Variants in TNRC6A observed in about 807,000 individuals in gnomAD.
TNRC6A encodes trinucleotide repeat-containing gene 6A protein.
Under a neutral mutation model 221.2 loss-of-function variants are expected in TNRC6A, and 44 were observed. The ratio of observed to expected loss-of-function variants is 0.20; its 90% CI spans 0.16 to 0.26. The LOEUF is 0.26. Ranked by LOEUF, TNRC6A falls within the 10% of genes least tolerant of loss-of-function variation. The probability of loss-of-function intolerance (pLI) is 1.00; values close to 1 mark genes in which losing one functional copy is unlikely to be tolerated. For missense variants in TNRC6A, 2,199 were observed against 2,404.4 expected (o/e 0.91, Z 1.79); for synonymous variants, 847 against 838.5 (o/e 1.01, Z -0.18).
At chr16:24,755,814 A>G (rs1211655720) in intron 3 of TNRC6A, among the ~76,000 whole-genome samples, 2 of 152,198 alleles carry the variant, frequency 1.3e-5, no homozygotes, top group African/African-American at 4.8e-5. Flanking sequence ...TTTTTAAAGA[A>G]TAATGTATTA....
chr16:24,667,633 A>G (rs1204239740), intron 2 of TNRC6A, among the ~76,000 whole-genome samples: 1 of 152,230 alleles, frequency 6.6e-6, no homozygotes, highest in Non-Finnish European at 1.5e-5. Context: ...CATCTGTAGA[A>G]TAGAAATAGT....
At chr16:24,800,727 C>T (rs1034159864) in intron 11 of TNRC6A, among the ~76,000 whole-genome samples, 5 of 152,146 alleles carry the variant, frequency 3.3e-5, no homozygotes, top group South Asian at 2.1e-4. Context: ...GGTATCTCAC[C>T]GGAGACACTG....
chr16:24,669,941 CTTTTTT>C lies in TNRC6A; in HGVS notation n.402+28954_402+28959del, dbSNP rs535737725. On this transcript the variant is annotated intron_variant and non_coding_transcript_variant, in intron 2 of 2. Coordinates refer to the TNRC6A transcript ENST00000566108. Reference sequence around the variant, plus strand: ...TCGTTATGACCCTATGAGGCAGCTACTTTTTTTTTTTTTTTTTTTTTTTTTTTAGAC... The same window carrying C: ...TCGTTATGACCCTATGAGGCAGCTACTTTTTTTTTTTTTTTTTTTTTAGAC... 6.3e-3 allele frequency among the ~76,000 whole-genome samples: 172 copies of C among 27,190 alleles called. 3 individuals are homozygous for C. The highest frequency in any genetic ancestry group is 0.018 in the African/African-American group (137 of 7,412). 17.8% of individuals were successfully genotyped at this position (27,190 alleles called of 152,430 possible).
chr16:24,717,798 G>A (rs1054035189), intron 2 of TNRC6A, among the ~76,000 whole-genome samples: 1 of 122,522 alleles, frequency 8.2e-6, no homozygotes, highest in Non-Finnish European at 1.6e-5. Flanking sequence ...TTGAGAAGGA[G>A]TTTTGTTCTG....
At chr16:24,671,540 C>T (rs746212521) in intron 2 of TNRC6A, among the ~76,000 whole-genome samples, 22 of 152,322 alleles carry the variant, frequency 1.4e-4, no homozygotes, top group Admixed American at 3.3e-4. Context: ...GGCACTATGC[C>T]CTGCAGTTCT....
At chr16:24,795,870 G>A (rs2058208825) in intron 8 of TNRC6A, 37 bp from the exon 9 acceptor site, 2 of 1,564,578 alleles carry the variant, frequency 1.3e-6, no homozygotes, top group East Asian at 4.6e-5. Flanking sequence ...TCTTCCCACT[G>A]GACCATGCTG....
At chr16:24,687,479 T>C (rs908757409) in intron 2 of TNRC6A, among the ~76,000 whole-genome samples, 11 of 152,316 alleles carry the variant, frequency 7.2e-5, no homozygotes, top group African/African-American at 2.2e-4. Flanking sequence ...TGGGCTCTAA[T>C]GGCAACAAAC....
rs57831728 is a variant in TNRC6A, at chr16:24,729,684, TCGGCGGCGGCGGCGGCGGCGGCGG to T, written c.-147_-124del. On this transcript the variant is annotated 5_prime_UTR_variant, in exon 1 of 25. Coordinates refer to ENST00000395799, the MANE Select transcript of TNRC6A (RefSeq NM_014494.4). ...TCTGGGGCCTGCGGCGGCGGCGGTG[TCGGCGGCGGCGGCGGCGGCGGCGG>T]CGGCGGCGGCAGCGGGTCGGTGTAG... 1.2e-4 allele frequency: 73 copies of T among 630,280 alleles called. 1 individual carries two copies. The highest frequency in any genetic ancestry group is 1.0e-3 in the Admixed American group (22 of 22,080). 39.0% of individuals were successfully genotyped at this position (630,280 alleles called of 1,614,324 possible).
intron 2 of TNRC6A, among the ~76,000 whole-genome samples, chr16:24,746,159 C>G (rs1412112910): frequency 1.3e-5 from 2 of 152,192 alleles, no homozygotes; most frequent in Non-Finnish European, 2.9e-5. Context: ...ACCTGTCTTA[C>G]TTCACTAATC....
intron 10 of TNRC6A, 126 bp downstream of exon 10, chr16:24,797,696 A>G (rs185088663): frequency 2.2e-5 from 21 of 938,756 alleles, no homozygotes; most frequent in Admixed American, 1.9e-4. Context: ...TGTTAGAGTA[A>G]AATCGGCCTC....
At chr16:24,820,946 A>T (rs2058754657) in intron 22 of TNRC6A, among the ~76,000 whole-genome samples, 1 of 152,178 alleles carries the variant, frequency 6.6e-6, no homozygotes, top group African/African-American at 2.4e-5. Flanking sequence ...TCCCCAGTAA[A>T]TACAGTCTTA....
chr16:24,648,067 A>G (rs1035835747), intron 2 of TNRC6A, among the ~76,000 whole-genome samples: 6 of 152,074 alleles, frequency 3.9e-5, no homozygotes, highest in African/African-American at 1.4e-4. Flanking sequence ...CTTTCTTAAG[A>G]CCATATACTA....
intron 11 of TNRC6A, among the ~76,000 whole-genome samples, chr16:24,802,557 G>T (rs993540566): frequency 5.9e-5 from 9 of 152,120 alleles, no homozygotes; most frequent in Non-Finnish European, 1.2e-4. Flanking sequence ...TCAAAAAAAA[G>T]TGACAATGGG....
rs1348094719 is a variant in TNRC6A at position 24,823,408 on chromosome 16, G to A, written c.5514-24G>A. On this transcript the variant is annotated intron_variant, in intron 24 of 24. Transcript: ENST00000395799. The surrounding 1 kb of genome is among the most constrained non-coding windows in gnomAD (Gnocchi z 4.3). ...CCCTCCTGGTGTGCTGTCCTCACGTGTCCGCGGTGCCTCTCTCCTCTAGGT... is the reference window on the plus strand; with the variant it reads ...CCCTCCTGGTGTGCTGTCCTCACGTATCCGCGGTGCCTCTCTCCTCTAGGT... 6.3e-7 allele frequency: 1 copy of A among 1,587,302 alleles called. No homozygotes were observed. Among genetic ancestry groups the A allele is most frequent in the East Asian group, 2.2e-5 (1 of 44,574 alleles).
chr16:24,712,720 A>C (rs1189462746), intron 2 of TNRC6A, among the ~76,000 whole-genome samples: 2 of 152,112 alleles, frequency 1.3e-5, no homozygotes, highest in Non-Finnish European at 2.9e-5. Context: ...CCATTCCTTC[A>C]GATTCTCTAT....
chr16:24,713,252 T>A (rs1292160336), intron 2 of TNRC6A, among the ~76,000 whole-genome samples: 3 of 151,938 alleles, frequency 2.0e-5, no homozygotes, highest in African/African-American at 7.3e-5. Context: ...ACCCCGCCTC[T>A]ACTAAAAATA....
intron 2 of TNRC6A, among the ~76,000 whole-genome samples, chr16:24,651,538 CA>C (rs768568973): frequency 0.36 from 17,397 of 48,222 alleles, 1,463 homozygotes; most frequent in Non-Finnish European, 0.47. Flanking sequence ...AACTCCATCT[CA>C]AAAAAAAAAA....
chr16:24,802,509 A>C (rs1188090253), intron 11 of TNRC6A, among the ~76,000 whole-genome samples: 1 of 152,234 alleles, frequency 6.6e-6, no homozygotes. Flanking sequence ...AGATTGTGCC[A>C]CTACGCTCCA....
chr16:24,651,264 C>T (rs918941246), intron 2 of TNRC6A, among the ~76,000 whole-genome samples: 1 of 151,590 alleles, frequency 6.6e-6, no homozygotes, highest in Non-Finnish European at 1.5e-5. Flanking sequence ...ATTCGCCAGG[C>T]GCCGTGCCTC....
Sources: gnomAD v4.1 joint callset for allele counts (sites outside exome capture counted in the v4.1 genomes callset) on GRCh38, gnomAD v4.1.1 for gene constraint, Gnocchi (gnomAD v3.1) non-coding constraint, MANE v1.5 for transcripts, NCBI Gene and HGNC (gene_info 2026-07-23, HGNC 2026-07-21) for gene names.